The following PTPN4 variants were observed in gnomAD, a reference collection of about 807,000 sequenced individuals.
PTPN4 encodes tyrosine-protein phosphatase non-receptor type 4.
PTPN4 carries 49 observed loss-of-function variants against 135.5 expected under a neutral mutation model. The ratio of observed to expected loss-of-function variants is 0.36; its 90% CI spans 0.29 to 0.46. The LOEUF is 0.46. PTPN4 is among the 20% of genes least tolerant of loss of function. PTPN4 has a pLI of 1.00. For synonymous variants in PTPN4, 333 were observed against 369.9 expected (o/e 0.90, Z 1.14); for missense variants, 860 against 1,101.0 (o/e 0.78, Z 3.10).
intron 2 of PTPN4, among the ~76,000 whole-genome samples, chr2:119,817,108 T>C (rs189380908): frequency 6.6e-6 from 1 of 152,304 alleles, no homozygotes; most frequent in Admixed American, 6.5e-5. Flanking sequence ...ATTGCTTTTG[T>C]TGTCTTCGTC....
At chr2:119,957,205 G>C in intron 22 of PTPN4, 128 bp downstream of exon 22, 1 of 849,994 alleles carries the variant, frequency 1.2e-6, no homozygotes, top group Non-Finnish European at 1.8e-6. Flanking sequence ...AAATATTATT[G>C]AAGTAATATT....
chr2:119,886,054 G>A (rs780299990), intron 9 of PTPN4, among the ~76,000 whole-genome samples, 172 bp downstream of exon 9: 5 of 152,226 alleles, frequency 3.3e-5, no homozygotes, highest in Admixed American at 6.5e-5. Context: ...TTCAATTCCC[G>A]AATGTGAAGG....
chr2:119,787,431 A>G lies in PTPN4; in HGVS notation c.-17-22406A>G, dbSNP rs373709330. Among the ~76,000 whole-genome samples, 8 of 152,320 alleles carry G rather than the reference A, an allele frequency of 5.3e-5. No individual in the cohort carries two copies. In the East Asian group the frequency reaches 5.8e-4, roughly 11 times the overall value. On this transcript the variant is annotated intron_variant, in intron 1 of 26. Coordinates refer to ENST00000263708, the MANE Select transcript of PTPN4 (RefSeq NM_002830.4). ...GTATTCTTATTAATATTCAAGATCT[A>G]TACATTATGATTACTACTAATAGTG...
intron 2 of PTPN4, among the ~76,000 whole-genome samples, chr2:119,826,969 A>G (rs1677155657): frequency 6.6e-6 from 1 of 152,222 alleles, no homozygotes; most frequent in Non-Finnish European, 1.5e-5. Context: ...TCGAGGTTAC[A>G]GTGAACTGTG....
chr2:119,885,979 T>G, intron 9 of PTPN4, 97 bp downstream of exon 9: 2 of 813,866 alleles, frequency 2.5e-6, no homozygotes, highest in East Asian at 5.6e-5. Context: ...TAAGTTATGA[T>G]TGCTGCTGAC....
chr2:119,931,609 A>G (rs935629169), intron 13 of PTPN4, among the ~76,000 whole-genome samples: 5 of 151,510 alleles, frequency 3.3e-5, no homozygotes, highest in Admixed American at 2.6e-4. Flanking sequence ...ATACCCAGCT[A>G]ATTTATTTTT....
In PTPN4 at chr2:119,759,993, C is replaced by T. The variant is rs1199632037; in HGVS notation, c.-409C>T. ...CGCGCCCCACCACCAACATTGTTCT[C>T]TCAGGACTCCTGGGTCCCAGGGGCC... On this transcript the variant is annotated 5_prime_UTR_variant, in exon 1 of 27. Coordinates refer to ENST00000263708, the MANE Select transcript of PTPN4 (RefSeq NM_002830.4). 1 of 380,024 alleles carries T rather than the reference C, an allele frequency of 2.6e-6. No homozygotes were observed. Among genetic ancestry groups the T allele is most frequent in the Admixed American group, 4.5e-5 (1 of 22,060 alleles). 23.5% of individuals were successfully genotyped at this position (380,024 alleles called of 1,614,324 possible).
intron 10 of PTPN4, among the ~76,000 whole-genome samples, chr2:119,910,017 G>A (rs1207765561): frequency 2.0e-5 from 3 of 152,154 alleles, no homozygotes; most frequent in East Asian, 3.8e-4. Flanking sequence ...TGAAGATGCT[G>A]TGAGCATTGT....
At chr2:119,958,273 G>T (rs1679317235) in intron 22 of PTPN4, among the ~76,000 whole-genome samples, 1 of 150,572 alleles carries the variant, frequency 6.6e-6, no homozygotes, top group Non-Finnish European at 1.5e-5. Flanking sequence ...AGAGGTTGAG[G>T]CTGCAGTGAG....
At chr2:119,947,000 T>G (rs1679143948) in intron 18 of PTPN4, among the ~76,000 whole-genome samples, 1 of 152,172 alleles carries the variant, frequency 6.6e-6, no homozygotes, top group South Asian at 2.1e-4. Flanking sequence ...TTAAAACTTT[T>G]TATTATGAAC....
rs1324074933 is a variant in PTPN4 at position 119,784,251 on chromosome 2, CAA to C, written c.-18+23868_-18+23869del. ...TCCCCCACCCCTCCTTCCCCAGAATCAAGAGAGGTGATGTAGACTCCCTTTTT... is the reference window on the plus strand; with the variant it reads ...TCCCCCACCCCTCCTTCCCCAGAATCGAGAGGTGATGTAGACTCCCTTTTT... On this transcript the variant is annotated intron_variant, in intron 1 of 26. Transcript: ENST00000263708. Among the ~76,000 whole-genome samples, 3 of 148,888 alleles carry C rather than the reference CAA, an allele frequency of 2.0e-5. No individual in the cohort carries two copies. In the East Asian group the frequency reaches 6.0e-4, roughly 30 times the overall value.
intron 11 of PTPN4, among the ~76,000 whole-genome samples, chr2:119,918,877 A>G (rs1042335245): frequency 1.3e-5 from 2 of 152,250 alleles, no homozygotes; most frequent in Non-Finnish European, 1.5e-5. Flanking sequence ...TAAATTCATT[A>G]TAATAGAGTA....
intron 3 of PTPN4, among the ~76,000 whole-genome samples, chr2:119,874,111 T>C (rs1304574806): frequency 3.3e-5 from 5 of 152,122 alleles, no homozygotes; most frequent in African/African-American, 1.2e-4. Flanking sequence ...TACAATGAAA[T>C]ATTCAGCAAT....
intron 11 of PTPN4, among the ~76,000 whole-genome samples, chr2:119,916,967 A>G (rs1678662699): frequency 6.6e-6 from 1 of 152,176 alleles, no homozygotes; most frequent in Admixed American, 6.6e-5. Context: ...CTGCTAATGG[A>G]AATTATTTTA....
At chr2:119,922,566 T>A (rs1678753454) in intron 12 of PTPN4, among the ~76,000 whole-genome samples, 1 of 152,208 alleles carries the variant, frequency 6.6e-6, no homozygotes, top group Non-Finnish European at 1.5e-5. Context: ...ATATATATTG[T>A]TTGATTCACT....
intron 2 of PTPN4, among the ~76,000 whole-genome samples, chr2:119,843,661 G>A (rs1455448757): frequency 2.4e-5 from 2 of 84,630 alleles, no homozygotes; most frequent in Non-Finnish European, 4.7e-5. Context: ...GCGGCTGGCC[G>A]GGCAGAGGGG....
chr2:119,825,004 A>G (rs1243732708), intron 2 of PTPN4, among the ~76,000 whole-genome samples: 1 of 152,194 alleles, frequency 6.6e-6, no homozygotes, highest in Non-Finnish European at 1.5e-5. Context: ...AAACATTTTT[A>G]AGCCATATTA....
At chr2:119,858,799 A>AT (rs1677718265) in intron 2 of PTPN4, among the ~76,000 whole-genome samples, 1 of 151,744 alleles carries the variant, frequency 6.6e-6, no homozygotes, top group African/African-American at 2.4e-5. Flanking sequence ...TGCCCGGCTA[A>AT]TTTTTTATAT....
In PTPN4 at chr2:119,767,891, G is replaced by A. The variant is rs148699288; in HGVS notation, c.-18+7507G>A. Among the ~76,000 whole-genome samples the A allele has an allele frequency of 3.0e-3, 454 of 152,166 alleles. 2 individuals carry two copies. The highest frequency in any genetic ancestry group is 3.4e-3 in the Middle Eastern group (1 of 292). On this transcript the variant is annotated intron_variant, in intron 1 of 26. Coordinates refer to ENST00000263708, the MANE Select transcript of PTPN4 (RefSeq NM_002830.4). ...TGGGTTTCTCTACTGTGAAGTTATC[G>A]TTTTTTTCCTTTTGTAATTGGGAAT...
Sources: gnomAD v4.1 joint callset for allele counts (sites outside exome capture counted in the v4.1 genomes callset) on GRCh38, gnomAD v4.1.1 for gene constraint, MANE v1.5 for transcripts, NCBI Gene and HGNC (gene_info 2026-07-23, HGNC 2026-07-21) for gene names.